Variants in CLYBL observed in about 807,000 individuals in gnomAD.
The protein encoded by CLYBL is citramalyl-CoA lyase.
In CLYBL, 31 loss-of-function variants were observed where a neutral mutation model predicts 38.9. The observed-to-expected ratio is 0.80, with a 90% CI of 0.60 to 1.08. CLYBL has a LOEUF of 1.08. Among genes scored for constraint, CLYBL ranks in the 50% least tolerant of loss-of-function variants. The pLI is 0.00. For synonymous variants in CLYBL, 171 were observed against 158.6 expected (o/e 1.08, Z -0.59); for missense variants, 434 against 411.6 (o/e 1.05, Z -0.47).
At chr13:99,801,078 TTAAATAACA>T (rs2050126310) in intron 2 of CLYBL, among the ~76,000 whole-genome samples, 1 of 152,110 alleles carries the variant, frequency 6.6e-6, no homozygotes, top group African/African-American at 2.4e-5. Flanking sequence ...AAGCTGAGGC[TTAAATAACA>T]TCACCGTCGC....
chr13:99,696,331 G>C (rs1281330234), intron 1 of CLYBL, among the ~76,000 whole-genome samples: 1 of 151,596 alleles, frequency 6.6e-6, no homozygotes, highest in Non-Finnish European at 1.5e-5. Flanking sequence ...CTAGGCCCAA[G>C]AGTTCCTCCC....
chr13:99,816,490 C>G (rs1298381434), intron 2 of CLYBL, among the ~76,000 whole-genome samples: 3 of 152,208 alleles, frequency 2.0e-5, no homozygotes, highest in Non-Finnish European at 2.9e-5. Context: ...TAAAATGGGC[C>G]CTGCTATGAC....
intron 1 of CLYBL, among the ~76,000 whole-genome samples, chr13:99,612,182 T>TGAGAAA (rs1190394726): frequency 6.6e-6 from 1 of 152,194 alleles, no homozygotes; most frequent in Non-Finnish European, 1.5e-5. Flanking sequence ...TTCTCTGTTT[T>TGAGAAA]TTATTTTATC....
chr13:99,876,578 C>CA (rs1170997475), intron 7 of CLYBL, among the ~76,000 whole-genome samples: 1 of 151,864 alleles, frequency 6.6e-6, no homozygotes, highest in African/African-American at 2.4e-5. Context: ...TTTATTTGCT[C>CA]AATTTTGATT....
At chr13:99,701,908 GTGATC>G (rs1483717832) in intron 1 of CLYBL, among the ~76,000 whole-genome samples, 2 of 152,002 alleles carry the variant, frequency 1.3e-5, no homozygotes, top group Non-Finnish European at 2.9e-5. Flanking sequence ...CTGACCTCAG[GTGATC>G]TGCCCATCTT....
intron 1 of CLYBL, among the ~76,000 whole-genome samples, chr13:99,647,616 A>G (rs754188988): frequency 1.3e-5 from 2 of 152,218 alleles, no homozygotes; most frequent in Non-Finnish European, 2.9e-5. Context: ...AAAAAATGTA[A>G]TTTTGGGGAT....
At chr13:99,854,958 G>A (rs376729016) in intron 2 of CLYBL, among the ~76,000 whole-genome samples, 20 of 152,228 alleles carry the variant, frequency 1.3e-4, no homozygotes, top group South Asian at 1.0e-3. Flanking sequence ...GATTGAATGC[G>A]GCAACTTTGG....
At chr13:99,673,194 C>T (rs770490618) in intron 1 of CLYBL, among the ~76,000 whole-genome samples, 3 of 152,104 alleles carry the variant, frequency 2.0e-5, no homozygotes, top group Non-Finnish European at 4.4e-5. Flanking sequence ...AGGCAGATCA[C>T]CTGAGGTCAG....
intron 2 of CLYBL, among the ~76,000 whole-genome samples, chr13:99,789,267 C>T (rs1011600160): frequency 9.9e-5 from 15 of 152,132 alleles, no homozygotes; most frequent in Non-Finnish European, 2.1e-4. Context: ...TCTTGCTTCT[C>T]TAGTTCTTTT....
chr13:99,702,182 C>G (rs1162711562), intron 1 of CLYBL, among the ~76,000 whole-genome samples: 1 of 152,112 alleles, frequency 6.6e-6, no homozygotes, highest in African/African-American at 2.4e-5. Context: ...GATGTTTGCT[C>G]ACTGCAGCCT....
chr13:99,808,662 G>T (rs995056868), intron 2 of CLYBL, among the ~76,000 whole-genome samples: 1 of 152,188 alleles, frequency 6.6e-6, no homozygotes, highest in Non-Finnish European at 1.5e-5. Flanking sequence ...GTTTCAACTT[G>T]TTTAGATATA....
chr13:99,852,687 T>C (rs1479518876), intron 2 of CLYBL, among the ~76,000 whole-genome samples: 1 of 151,848 alleles, frequency 6.6e-6, no homozygotes, highest in Non-Finnish European at 1.5e-5. Flanking sequence ...TCCCATATAC[T>C]CATCAATCAG....
chr13:99,608,086 TCCGAGATGGAG>T (rs2046559837), intron 1 of CLYBL, among the ~76,000 whole-genome samples: 1 of 77,572 alleles, frequency 1.3e-5, no homozygotes, highest in African/African-American at 6.2e-5. Flanking sequence ...TTTTTTTTTT[TCCGAGATGGAG>T]TTTCGCTTTT....
intron 1 of CLYBL, among the ~76,000 whole-genome samples, chr13:99,763,347 A>G (rs1055359322): frequency 1.2e-4 from 19 of 152,064 alleles, no homozygotes; most frequent in African/African-American, 3.6e-4. Flanking sequence ...TTCTTCTTAT[A>G]TCTGGTTTGA....
At chr13:99,721,133 TC>T (rs1189871214) in intron 1 of CLYBL, among the ~76,000 whole-genome samples, 14 of 150,790 alleles carry the variant, frequency 9.3e-5, no homozygotes, top group Non-Finnish European at 2.9e-5. Flanking sequence ...AACCTCCACC[TC>T]CCAGGTTCAA....
intron 2 of CLYBL, among the ~76,000 whole-genome samples, chr13:99,836,916 C>T (rs565427076): frequency 6.6e-6 from 1 of 152,120 alleles, no homozygotes; most frequent in Admixed American, 6.5e-5. Flanking sequence ...GGAGGGATAG[C>T]ATTAGGAGAT....
chr13:99,798,309 T>C (rs2050063337), intron 2 of CLYBL, among the ~76,000 whole-genome samples: 1 of 152,220 alleles, frequency 6.6e-6, no homozygotes, highest in African/African-American at 2.4e-5. Context: ...AGAATCTGCT[T>C]ACTGCTCTCT....
intron 2 of CLYBL, among the ~76,000 whole-genome samples, chr13:99,827,911 C>A (rs997865268): frequency 3.3e-5 from 5 of 152,174 alleles, no homozygotes; most frequent in Non-Finnish European, 7.4e-5. Context: ...TGGCCATTGT[C>A]ATGAATCAAA....
intron 1 of CLYBL, among the ~76,000 whole-genome samples, chr13:99,760,681 A>T (rs908844950): frequency 1.3e-5 from 2 of 152,232 alleles, no homozygotes; most frequent in Non-Finnish European, 2.9e-5. Flanking sequence ...CTTACTGAAG[A>T]TACCTTGTAT....
Sources: gnomAD v4.1 joint callset for allele counts (sites outside exome capture counted in the v4.1 genomes callset) on GRCh38, gnomAD v4.1.1 for gene constraint, MANE v1.5 for transcripts, NCBI Gene and HGNC (gene_info 2026-07-23, HGNC 2026-07-21) for gene names.